ANKRD6: variants seen among roughly 807,000 people sequenced by gnomAD.
ANKRD6 encodes ankyrin repeat domain-containing protein 6.
ANKRD6 carries 56 observed loss-of-function variants against 82.3 expected under a neutral mutation model. The observed-to-expected ratio is 0.68, with a 90% CI of 0.55 to 0.85. The LOEUF (loss-of-function observed/expected upper bound fraction) is 0.85, where lower values mean the gene tolerates loss of function less well. Ranked by LOEUF, ANKRD6 falls within the 40% of genes least tolerant of loss-of-function variation. The pLI, the probability that ANKRD6 is intolerant of heterozygous loss-of-function variation, is 0.00. For synonymous variants in ANKRD6, 347 were observed against 352.1 expected (o/e 0.99, Z 0.16); for missense variants, 852 against 907.6 (o/e 0.94, Z 0.79).
intron 2 of ANKRD6, among the ~76,000 whole-genome samples, chr6:89,588,362 G>T (rs1325032885): frequency 1.3e-5 from 2 of 152,036 alleles, no homozygotes; most frequent in Non-Finnish European, 2.9e-5. Context: ...CTCTCTTAAT[G>T]CGACAGATAA....
intron 1 of ANKRD6, among the ~76,000 whole-genome samples, chr6:89,544,408 A>G (rs1018994365): frequency 6.6e-6 from 1 of 152,168 alleles, no homozygotes; most frequent in Non-Finnish European, 1.5e-5. Flanking sequence ...CCTGTTCCCC[A>G]GGCTCCCATC....
At chr6:89,442,202 C>T (rs1771484780) in intron 1 of ANKRD6, among the ~76,000 whole-genome samples, 1 of 151,636 alleles carries the variant, frequency 6.6e-6, no homozygotes, top group African/African-American at 2.4e-5. Context: ...CGCCATGTTC[C>T]CTAGGCTGGT....
intron 1 of ANKRD6, among the ~76,000 whole-genome samples, chr6:89,448,612 T>C (rs936819036): frequency 1.1e-4 from 16 of 152,174 alleles, no homozygotes; most frequent in African/African-American, 3.6e-4. Context: ...TCATTGACAA[T>C]GTACCTAGTC....
chr6:89,596,966 T>G (rs1796051963), intron 3 of ANKRD6, among the ~76,000 whole-genome samples: 1 of 152,366 alleles, frequency 6.6e-6, no homozygotes, highest in East Asian at 1.9e-4. Context: ...CTTTAATAAC[T>G]GTAGTTATAG....
intron 9 of ANKRD6, 172 bp from the exon 10 acceptor site, chr6:89,621,750 C>A: frequency 1.5e-6 from 1 of 653,236 alleles, no homozygotes; most frequent in Non-Finnish European, 2.8e-6. Flanking sequence ...GTGCCCAGGA[C>A]AAGACCTAGG....
rs1785344421 is a variant in ANKRD6, at chr6:89,548,123, C to T, written c.-143-18711C>T. On this transcript the variant is annotated intron_variant, in intron 1 of 15. Coordinates refer to ENST00000339746, the MANE Select transcript of ANKRD6 (RefSeq NM_001242809.2). ...TTTTCATGTATATTCACAAAGATGT[C>T]AGTCATCGCCACTAAATCCAGAACA... Among the ~76,000 whole-genome samples, 3 of 152,176 alleles carry T rather than the reference C, an allele frequency of 2.0e-5. No individual in the cohort carries two copies. The South Asian group carries it at 6.2e-4, about 32-fold the overall frequency.
intron 1 of ANKRD6, among the ~76,000 whole-genome samples, chr6:89,491,266 G>A (rs1467752925): frequency 6.6e-6 from 1 of 152,168 alleles, no homozygotes; most frequent in Non-Finnish European, 1.5e-5. Context: ...TTCATAGGCC[G>A]AAATTACAGA....
At chr6:89,449,935 T>A (rs1021967416) in intron 1 of ANKRD6, among the ~76,000 whole-genome samples, 1 of 152,222 alleles carries the variant, frequency 6.6e-6, no homozygotes, top group African/African-American at 2.4e-5. Flanking sequence ...ATAAAATTAG[T>A]TGATAAAGCA....
At chr6:89,607,616 G>A (rs6454767) in intron 5 of ANKRD6, among the ~76,000 whole-genome samples, 120,675 of 151,148 alleles carry the variant, frequency 0.8, 48,620 homozygotes, top group East Asian at 0.91. Context: ...AAATTTTCCA[G>A]AATGAACCCA....
intron 2 of ANKRD6, among the ~76,000 whole-genome samples, chr6:89,585,931 A>T (rs1274843366): frequency 6.6e-6 from 1 of 152,188 alleles, no homozygotes; most frequent in Non-Finnish European, 1.5e-5. Flanking sequence ...CTAGGGCCAG[A>T]TGGTTTCATG....
At chr6:89,533,427 T>G (rs1455193926) in intron 1 of ANKRD6, among the ~76,000 whole-genome samples, 1 of 152,180 alleles carries the variant, frequency 6.6e-6, no homozygotes, top group Non-Finnish European at 1.5e-5. Flanking sequence ...TAAGTAGCCC[T>G]TGGATGCCCC....
At chr6:89,442,577 T>C (rs1771533816) in intron 1 of ANKRD6, among the ~76,000 whole-genome samples, 5 of 143,442 alleles carry the variant, frequency 3.5e-5, no homozygotes. Flanking sequence ...GAGCCAAGAC[T>C]GGCACCACTG....
At chr6:89,500,208 G>A (rs1333290403) in intron 1 of ANKRD6, among the ~76,000 whole-genome samples, 1 of 152,168 alleles carries the variant, frequency 6.6e-6, no homozygotes, top group African/African-American at 2.4e-5. Context: ...GAGCAACACA[G>A]GGGCTAAGTT....
At chr6:89,525,813 G>A (rs1252549954) in intron 1 of ANKRD6, among the ~76,000 whole-genome samples, 1 of 152,214 alleles carries the variant, frequency 6.6e-6, no homozygotes, top group Non-Finnish European at 1.5e-5. Context: ...GTCTAAAGGT[G>A]AACTATAGGC....
intron 2 of ANKRD6, among the ~76,000 whole-genome samples, chr6:89,586,601 C>T (rs766720374): frequency 6.6e-6 from 1 of 151,808 alleles, no homozygotes; most frequent in Non-Finnish European, 1.5e-5. Context: ...GCAGGAGAAT[C>T]ATTTGAACCC....
intron 1 of ANKRD6, among the ~76,000 whole-genome samples, chr6:89,494,593 T>C (rs1445856714): frequency 2.0e-5 from 3 of 152,196 alleles, no homozygotes; most frequent in Non-Finnish European, 4.4e-5. Context: ...GCAATCAAGC[T>C]TGTCCTGGTG....
Position 89,624,633 on chromosome 6 carries a change from C to T in ANKRD6, c.1313C>T (p.Ser438Leu), listed in dbSNP as rs770395763. 4.0e-5 allele frequency: 64 copies of T among 1,587,596 alleles called. 1 individual carries two copies. In the South Asian group the frequency reaches 6.2e-4, roughly 15 times the overall value. Residue 438 changes from serine to leucine, a missense_variant, in exon 13 of 16, where the codon TCG (serine) becomes TTG (leucine). By Grantham distance (145) the Ser-to-Leu change is moderately radical (BLOSUM62 -2). Coordinates refer to ENST00000339746, the MANE Select transcript of ANKRD6 (RefSeq NM_001242809.2). ...TVEEIKAELG[S>L]VQDKMNTKLG... ...GAGGAGATAAAAGCAGAGCTGGGAT[C>T]GGTTCAGGACAAAATGAATACAAAG...
At chr6:89,483,923 T>G (rs948030980) in intron 1 of ANKRD6, among the ~76,000 whole-genome samples, 1 of 152,196 alleles carries the variant, frequency 6.6e-6, no homozygotes, top group African/African-American at 2.4e-5. Context: ...TCTCTCTCTC[T>G]AACCTATTTT....
chr6:89,562,213 A>T (rs775432074), intron 1 of ANKRD6, among the ~76,000 whole-genome samples: 1 of 151,848 alleles, frequency 6.6e-6, no homozygotes, highest in African/African-American at 2.4e-5. Flanking sequence ...TTCCCTGTTT[A>T]CTCCCTTCCC....
Sources: allele counts gnomAD v4.1 joint callset (sites outside exome capture counted in the v4.1 genomes callset), GRCh38; gene constraint gnomAD v4.1.1; transcripts MANE v1.5; gene names NCBI Gene and HGNC (gene_info 2026-07-23, HGNC 2026-07-21).